The following PTCD1 variants were observed in gnomAD, a reference collection of about 807,000 sequenced individuals.
The protein encoded by PTCD1 is pentatricopeptide repeat domain 1.
Under a neutral mutation model 53.4 loss-of-function variants are expected in PTCD1, and 50 were observed. The observed-to-expected ratio is 0.94, with a 90% CI of 0.75 to 1.19. The LOEUF is 1.19. Ranked by LOEUF, PTCD1 falls within the 50% of genes most tolerant of loss-of-function variation. The pLI is 0.00. For missense variants in PTCD1, 918 were observed against 904.8 expected (o/e 1.01, Z -0.19); for synonymous variants, 413 against 394.8 (o/e 1.05, Z -0.55).
chr7:99,433,824 C>A (rs897243427), intron 2 of PTCD1, among the ~76,000 whole-genome samples: 3 of 151,966 alleles, frequency 2.0e-5, no homozygotes, highest in African/African-American at 7.3e-5. Context: ...GAGGCTGAGG[C>A]GGGCAGATCA....
rs569535784 is a variant in PTCD1, at chr7:99,423,907, C to G, written c.1788G>C (p.Ala596=). The change falls in exon 7 of 8, where the codon GCG becomes GCC. Residue 596 remains alanine, a synonymous_variant. Transcript: ENST00000292478. ...NTHIYSALIN[A]AIRKLNYTYL... is the part of the protein sequence containing the mutation. ...AGGTGTAGTTCAGCTTCCTGATGGC[C>G]GCGTTGATGAGGGCACTGTAGATGT... 43 of 1,613,980 alleles carry G rather than the reference C, an allele frequency of 2.7e-5. No homozygotes were observed. Among genetic ancestry groups the G allele is most frequent in the Non-Finnish European group, 4.2e-6 (5 of 1,180,040 alleles).
intron 1 of PTCD1, among the ~76,000 whole-genome samples, chr7:99,437,072 G>A (rs574946360): frequency 6.6e-6 from 1 of 152,028 alleles, no homozygotes; most frequent in African/African-American, 2.4e-5. Flanking sequence ...TCCCTATGTT[G>A]CCAGGCTGGT....
At chr7:99,425,766 A>G in intron 5 of PTCD1, 150 bp from the exon 6 acceptor site, 1 of 1,109,868 alleles carries the variant, frequency 9.0e-7, no homozygotes, top group South Asian at 1.4e-5. Context: ...ACATAGCAAG[A>G]CCCTGCCTCA....
At position 99,416,892 on chromosome 7, in the gene PTCD1, T is replaced by A. The variant is rs766709694; in HGVS notation, c.*3075A>T. On this transcript the variant is annotated 3_prime_UTR_variant, in exon 8 of 8. Transcript: ENST00000292478. The stretch of plus-strand genomic sequence containing the variant: ...TGCACCACCACACCCAGCTAATTTT[T>A]AAATTTTTTGTGGAGATGGGCCCTT... The A allele has an allele frequency of 2.4e-4, 39 of 163,004 alleles. No homozygotes were observed. Among genetic ancestry groups the A allele is most frequent in the Non-Finnish European group, 4.6e-4 (34 of 74,206 alleles). 10.1% of individuals were successfully genotyped at this position (163,004 alleles called of 1,614,324 possible). A position where few individuals can be genotyped will look rare whatever the true frequency, so the allele number is the denominator to read the frequency against.
chr7:99,423,084 T>C (rs531065138), intron 7 of PTCD1, among the ~76,000 whole-genome samples: 26 of 152,132 alleles, frequency 1.7e-4, no homozygotes, highest in African/African-American at 5.5e-4. Flanking sequence ...CCTCTTTTTT[T>C]TTTTTTTGAG....
intron 7 of PTCD1, 101 bp from the exon 8 acceptor site, chr7:99,420,250 T>C: frequency 6.5e-7 from 1 of 1,544,714 alleles, no homozygotes; most frequent in Non-Finnish European, 8.9e-7. Flanking sequence ...TGGCTGCCAT[T>C]TTCCCTTCCA....
intron 6 of PTCD1, among the ~76,000 whole-genome samples, chr7:99,424,304 CTGGG>C (rs1284356274): frequency 6.6e-6 from 1 of 152,314 alleles, no homozygotes; most frequent in African/African-American, 2.4e-5. Flanking sequence ...CAAGCCTTGG[CTGGG>C]TGAGCCCGGT....
In PTCD1 at chr7:99,435,321, G is replaced by A. The variant is rs933676682; in HGVS notation, c.-26-53C>T. The A allele has an allele frequency of 2.5e-6, 4 of 1,590,390 alleles. No homozygotes were observed. In the African/African-American group the frequency reaches 4.0e-5, roughly 16 times the overall value. ...GTCAACTCAGTTCCTAGTAACAAAA[G>A]GCAGAAAGAAAGAAGTGGTTACAAG... On this transcript the variant is annotated intron_variant, in intron 1 of 7. Coordinates refer to ENST00000292478, the MANE Select transcript of PTCD1 (RefSeq NM_015545.4).
chr7:99,434,766 C>T lies in PTCD1; in HGVS notation c.453+24G>A, dbSNP rs1189073692. The stretch of plus-strand genomic sequence containing the variant: ...CCACCAGGGGAAAGAAGCCAGGAGC[C>T]ACAGAACCCAAAGTGCCCCTTACCT... On this transcript the variant is annotated intron_variant, in intron 2 of 7. Transcript: ENST00000292478. 6 of 1,613,342 alleles carry T rather than the reference C, an allele frequency of 3.7e-6. No homozygotes were observed. In the African/African-American group the frequency reaches 4.0e-5, roughly 11 times the overall value.
chr7:99,438,589 C>T, intron 1 of PTCD1, 103 bp downstream of exon 1: 15 of 1,138,822 alleles, frequency 1.3e-5, no homozygotes, highest in Non-Finnish European at 1.6e-5. Context: ...AGTTTCCCTC[C>T]TCAGACGCCC....
rs777646870 is a variant in PTCD1, at chr7:99,424,917, C to T, written c.1615G>A (p.Ala539Thr). ...GCCAGGACCGGCAACAGCGCCTTGGCCCCCTCCAGGTCTCCCAGCTTGCTC... is the reference window on the plus strand; with the variant it reads ...GCCAGGACCGGCAACAGCGCCTTGGTCCCCTCCAGGTCTCCCAGCTTGCTC... ...KKSKLGDLEG[A>T]KALLPVLAKR... The change falls in exon 6 of 8, where the codon GCC becomes ACC. Residue 539 changes from alanine (A) to threonine (T), a missense_variant. Transcript: ENST00000292478. 1 of 1,614,244 alleles carries T rather than the reference C, an allele frequency of 6.2e-7. No individual in the cohort carries two copies. Among genetic ancestry groups the T allele is most frequent in the East Asian group, 2.2e-5 (1 of 44,886 alleles).
chr7:99,434,944 C>T lies in PTCD1; in HGVS notation c.299G>A (p.Arg100Lys), dbSNP rs1440246913. 6.2e-7 allele frequency: 1 copy of T among 1,614,256 alleles called. No homozygotes were observed. The highest frequency in any genetic ancestry group is 8.5e-7 in the Non-Finnish European group (1 of 1,180,058). The change falls in exon 2 of 8, where the codon AGA becomes AAA. Residue 100 changes from arginine to lysine, a missense_variant. By Grantham distance (26) the Arg-to-Lys change is conservative (BLOSUM62 2). Coordinates refer to ENST00000292478, the MANE Select transcript of PTCD1 (RefSeq NM_015545.4). The part of the protein sequence containing the change: ...GTLSDKYSSR[R>K]LFRKSAAQFH... ...CTGGGCTGCGGATTTGCGGAATAGTCTCCGGGAGGAGTATTTGTCAGAGAG... is the reference window on the plus strand; with the variant it reads ...CTGGGCTGCGGATTTGCGGAATAGTTTCCGGGAGGAGTATTTGTCAGAGAG...
rs182753728 is a variant in PTCD1, at chr7:99,435,233, C to T, written c.10G>A (p.Val4Met). MDF[V>M]RLARLFARAR... is the part of the protein sequence containing the mutation. Reference sequence around the variant, plus strand: ...CTGGCGAACAGTCGAGCGAGTCTCACGAAGTCCATTTCTGGCTTTCCTGTC... The same window carrying T: ...CTGGCGAACAGTCGAGCGAGTCTCATGAAGTCCATTTCTGGCTTTCCTGTC... The change falls in exon 2 of 8, where the codon GTG (valine) becomes ATG (methionine). Residue 4 changes from valine to methionine, a missense_variant. Physicochemically the swap from Val to Met is conservative, Grantham distance 21 (BLOSUM62 1). Coordinates refer to ENST00000292478, the MANE Select transcript of PTCD1 (RefSeq NM_015545.4). 1.6e-4 allele frequency: 264 copies of T among 1,602,008 alleles called. 2 individuals are homozygous for T. Among genetic ancestry groups the T allele is most frequent in the South Asian group, 1.6e-3 (143 of 91,090 alleles).
At position 99,419,771 on chromosome 7, in the gene PTCD1, G is replaced by GCTGGAGCTGCAC; in HGVS notation, c.*184_*195dup. 1 of 863,576 alleles carries GCTGGAGCTGCAC rather than the reference G, an allele frequency of 1.2e-6. No individual in the cohort carries two copies. The highest frequency in any genetic ancestry group is 1.7e-6 in the Non-Finnish European group (1 of 571,898). The allele number at this position is 863,576 out of a possible 1,614,324, so 53.5% of individuals were successfully genotyped here. On this transcript the variant is annotated 3_prime_UTR_variant, in exon 8 of 8. Coordinates refer to ENST00000292478, the MANE Select transcript of PTCD1 (RefSeq NM_015545.4). ...CCCGTGAAGGTGACACGCAAAGGTG[G>GCTGGAGCTGCAC]CTGGAGCTGCACTTGGACCTGCTGG...
rs375649241 is a variant in PTCD1, at chr7:99,425,200, G to A, written c.1332C>T (p.Thr444=). The part of the protein sequence containing the change: ...PPVELEVNLL[T]PGAVPPTVVS... ...CCACTGTAGGGGGAACGGCCCCGGG[G>A]GTCAGGAGGTTGACTTCCAGCTCCA... The change falls in exon 6 of 8, where the codon ACC becomes ACT. Residue 444 remains threonine (T), a synonymous_variant. Transcript: ENST00000292478. The A allele has an allele frequency of 1.7e-5, 27 of 1,612,612 alleles. No individual in the cohort carries two copies. Among genetic ancestry groups the A allele is most frequent in the Non-Finnish European group, 2.2e-5 (26 of 1,178,794 alleles).
rs139951499 is a variant in PTCD1, at chr7:99,434,060, A to C, written c.454-642T>G. 9.3e-3 allele frequency among the ~76,000 whole-genome samples: 1,244 copies of C among 133,792 alleles called. 26 individuals carry two copies. The highest frequency in any genetic ancestry group is 0.033 in the African/African-American group (1,185 of 35,412). The allele number at this position is 133,792 out of a possible 152,430, so 87.8% of individuals were successfully genotyped here. The stretch of plus-strand genomic sequence containing the variant: ...GTACAAGACTCCATCTCAAAAAAAA[A>C]AAAAAAACAAAAAAACAAACCAGAC... On this transcript the variant is annotated intron_variant, in intron 2 of 7. Transcript: ENST00000292478.
At chr7:99,437,070 T>G (rs1796499158) in intron 1 of PTCD1, among the ~76,000 whole-genome samples, 2 of 152,200 alleles carry the variant, frequency 1.3e-5, no homozygotes, top group Admixed American at 6.5e-5. Flanking sequence ...TCTCCCTATG[T>G]TGCCAGGCTG....
rs1795732111 is a variant in PTCD1, at chr7:99,420,116, C to G, written c.1954G>C (p.Asp652His). The change falls in exon 8 of 8, where the codon GAC (aspartate) becomes CAC (histidine). Residue 652 changes from aspartate (D) to histidine (H), a missense_variant. Asp to His is a moderately conservative substitution (Grantham distance 81). Coordinates refer to ENST00000292478, the MANE Select transcript of PTCD1 (RefSeq NM_015545.4). ...TGCTTGTAATAGGCTCGGAAGCCGT[C>G]AATCTTCTCCAGGTAGGTGTTCTTC... Reference protein sequence around the residue: ...QGKNTYLEKIDGFRAYYKQWL... With the variant: ...QGKNTYLEKIHGFRAYYKQWL... 1 of 1,614,182 alleles carries G rather than the reference C, an allele frequency of 6.2e-7. No homozygotes were observed. Among genetic ancestry groups the G allele is most frequent in the Non-Finnish European group, 8.5e-7 (1 of 1,180,024 alleles).
At chr7:99,432,485 C>T (rs73397481) in intron 3 of PTCD1, among the ~76,000 whole-genome samples, 10,222 of 152,246 alleles carry the variant, frequency 0.067, 463 homozygotes, top group African/African-American at 0.13. Flanking sequence ...TTCCTGCTGA[C>T]CCTCTCCCCA....
Sources: allele counts gnomAD v4.1 joint callset (sites outside exome capture counted in the v4.1 genomes callset), GRCh38; gene constraint gnomAD v4.1.1; transcripts MANE v1.5; gene names NCBI Gene and HGNC (gene_info 2026-07-23, HGNC 2026-07-21).